Variants in ALDH1L1 observed in about 807,000 individuals in gnomAD.
ALDH1L1 encodes cytosolic 10-formyltetrahydrofolate dehydrogenase.
Under a neutral mutation model 101.1 loss-of-function variants are expected in ALDH1L1, and 68 were observed. That is an observed-to-expected ratio of 0.67 (90% CI 0.55 to 0.82). The LOEUF is 0.82. ALDH1L1 is among the 40% of genes least tolerant of loss of function. The pLI is 0.00. For missense variants in ALDH1L1, 1,087 were observed against 1,172.7 expected (o/e 0.93, Z 1.07); for synonymous variants, 486 against 470.8 (o/e 1.03, Z -0.42).
rs747916436 is a variant in ALDH1L1 at position 126,161,038 on chromosome 3, C to T, written c.-23-36G>A. ...AATAAGGCAGCAATTAGACAGAGAT[C>T]GCTGGTCTCAGAGAAGCCAGCCCTG... is the stretch of plus-strand genomic sequence containing the variant. On this transcript the variant is annotated intron_variant, in intron 1 of 22. Coordinates refer to ENST00000393434, the MANE Select transcript of ALDH1L1 (RefSeq NM_012190.4). 1.1e-5 allele frequency: 18 copies of T among 1,606,032 alleles called. 1 individual carries two copies. Among genetic ancestry groups the T allele is most frequent in the Middle Eastern group, 3.3e-4 (2 of 6,028 alleles).
chr3:126,130,567 C>A (rs1303364064), intron 13 of ALDH1L1, among the ~76,000 whole-genome samples: 1 of 152,210 alleles, frequency 6.6e-6, no homozygotes, highest in Non-Finnish European at 1.5e-5. Flanking sequence ...AGGGTGGGGG[C>A]AGGGCCGGGT....
chr3:126,189,826 C>A (rs2081541903), intron 1 of ALDH1L1, among the ~76,000 whole-genome samples: 1 of 152,186 alleles, frequency 6.6e-6, no homozygotes, highest in Non-Finnish European at 1.5e-5. Context: ...TCTATGTTTT[C>A]CACTGGGAGT....
chr3:126,166,277 C>G (rs903683519), intron 1 of ALDH1L1, among the ~76,000 whole-genome samples: 1 of 152,204 alleles, frequency 6.6e-6, no homozygotes, highest in African/African-American at 2.4e-5. Context: ...TTCTCCATGT[C>G]TGATTTGTGG....
chr3:126,135,638 G>C lies in ALDH1L1; in HGVS notation c.1369C>G (p.Gln457Glu). ...ACTGCCTTGTCGACGTCGGTGACTT[G>C]GGCCAGGGATACCTGGCAGATGACC... is the stretch of plus-strand genomic sequence containing the variant. The part of the protein sequence containing the change: ...GSVICQVSLA[Q>E]VTDVDKAVAA... Residue 457 changes from glutamine (Q) to glutamate (E), a missense_variant, in exon 12 of 23, where the codon CAA becomes GAA. Gln to Glu is a conservative substitution (Grantham distance 29). Transcript: ENST00000393434. The C allele has an allele frequency of 6.4e-7, 1 of 1,574,168 alleles. No individual in the cohort carries two copies. Among genetic ancestry groups the C allele is most frequent in the Non-Finnish European group, 8.6e-7 (1 of 1,159,690 alleles).
At chr3:126,161,419 A>G (rs943651886) in intron 1 of ALDH1L1, among the ~76,000 whole-genome samples, 2 of 152,244 alleles carry the variant, frequency 1.3e-5, no homozygotes, top group African/African-American at 4.8e-5. Context: ...AATGGCTTTC[A>G]GCCTACAAAT....
At position 126,107,148 on chromosome 3, in the gene ALDH1L1, C is replaced by T. The variant is rs1945904636; in HGVS notation, c.2446G>A (p.Ala816Thr). Residue 816 changes from alanine (A) to threonine (T), a missense_variant, in exon 21 of 23, where the codon GCT becomes ACT. Coordinates refer to ENST00000393434, the MANE Select transcript of ALDH1L1 (RefSeq NM_012190.4). ...ATCAGCAGGATTCCCTACCCATCAG[C>T]AAACCGAGAGATGATCATGACAGGC... ...FGPVMIISRF[A>T]DGDLDAVLSR... 1 of 1,613,952 alleles carries T rather than the reference C, an allele frequency of 6.2e-7. No homozygotes were observed. Among genetic ancestry groups the T allele is most frequent in the Non-Finnish European group, 8.5e-7 (1 of 1,179,898 alleles).
chr3:126,143,378 G>C lies in ALDH1L1; in HGVS notation c.1076+3457C>G, dbSNP rs77617171. ...TATCCTGGACAAAGGGGTGATCCAC[G>C]TATCAGGTGGGATGGAGCGGGACAG... On this transcript the variant is annotated intron_variant, in intron 9 of 22. Coordinates refer to ENST00000393434, the MANE Select transcript of ALDH1L1 (RefSeq NM_012190.4). Among the ~76,000 whole-genome samples, 1,358 of 152,220 alleles carry C rather than the reference G, an allele frequency of 8.9e-3. 16 individuals carry two copies. The highest frequency in any genetic ancestry group is 0.032 in the African/African-American group (1,312 of 41,550).
intron 1 of ALDH1L1, among the ~76,000 whole-genome samples, chr3:126,165,872 A>G (rs2081157675): frequency 6.6e-6 from 1 of 151,928 alleles, no homozygotes; most frequent in Non-Finnish European, 1.5e-5. Context: ...TTTTTGAAAA[A>G]CCAACTCTTG....
chr3:126,158,952 T>C (rs2080979226), intron 2 of ALDH1L1, among the ~76,000 whole-genome samples: 1 of 152,162 alleles, frequency 6.6e-6, no homozygotes, highest in Non-Finnish European at 1.5e-5. Flanking sequence ...ACTGAGTTAC[T>C]GTCTTCCGGC....
At chr3:126,172,879 G>C (rs918922127) in intron 1 of ALDH1L1, among the ~76,000 whole-genome samples, 1 of 152,002 alleles carries the variant, frequency 6.6e-6, no homozygotes, top group African/African-American at 2.4e-5. Flanking sequence ...TACCTATAGA[G>C]GGAGAGAGAT....
At chr3:126,191,787 T>C in intron 1 of ALDH1L1, among the ~76,000 whole-genome samples, 1 of 152,164 alleles carries the variant, frequency 6.6e-6, no homozygotes, top group East Asian at 1.9e-4. Context: ...ATCAAAACTT[T>C]GTGACCTTTA....
chr3:126,170,858 G>A (rs947279728), intron 1 of ALDH1L1, among the ~76,000 whole-genome samples: 6 of 152,132 alleles, frequency 3.9e-5, no homozygotes, highest in African/African-American at 1.4e-4. Context: ...TAAGACAGCT[G>A]GGACACAAAG....
chr3:126,185,798 T>C (rs1026112976), upstream of ALDH1L1, among the ~76,000 whole-genome samples: 4 of 152,238 alleles, frequency 2.6e-5, no homozygotes, highest in Admixed American at 6.5e-5. Flanking sequence ...ATTCTCATTT[T>C]CTTATTTTGC....
chr3:126,104,178 A>G (rs909602881), intron 22 of ALDH1L1: 7 of 379,026 alleles, frequency 1.8e-5, no homozygotes, highest in Non-Finnish European at 3.4e-5. Context: ...TCACTGGCCC[A>G]TCTCTTCTCT....
intron 19 of ALDH1L1, among the ~76,000 whole-genome samples, chr3:126,111,121 C>T (rs1281428176): frequency 6.6e-6 from 1 of 152,224 alleles, no homozygotes; most frequent in East Asian, 1.9e-4. Context: ...CCGGGCCCAT[C>T]GTGGCAGTGG....
intron 17 of ALDH1L1, 147 bp from the exon 18 acceptor site, chr3:126,114,803 C>CCCCCCCCGCCT: frequency 1.4e-6 from 1 of 733,378 alleles, no homozygotes; most frequent in Non-Finnish European, 2.4e-6. Context: ...TCCCCCCCAC[C>CCCCCCCCGCCT]CCTTGCGGCT....
At chr3:126,111,668 C>T (rs1001042581) in intron 19 of ALDH1L1, among the ~76,000 whole-genome samples, 24 of 152,202 alleles carry the variant, frequency 1.6e-4, no homozygotes, top group Non-Finnish European at 3.2e-4. Flanking sequence ...CACCAGCTCT[C>T]CTCCAGGGGC....
rs368465875 is a variant in ALDH1L1, at chr3:126,107,175, C to G, written c.2419G>C (p.Gly807Arg). 4.3e-6 allele frequency: 7 copies of G among 1,614,174 alleles called. No homozygotes were observed. Among genetic ancestry groups the G allele is most frequent in the Non-Finnish European group, 5.9e-6 (7 of 1,180,010 alleles). ...AACCGAGAGATGATCATGACAGGCC[C>G]GAAGGACTCCTCCTTGGCTATGAAC... ...HMFIAKEESFGPVMIISRFAD... is the reference protein window; with the variant it reads ...HMFIAKEESFRPVMIISRFAD... The change falls in exon 21 of 23, where the codon GGG (glycine) becomes CGG (arginine). Residue 807 changes from glycine (G) to arginine (R), a missense_variant. By Grantham distance (125) the Gly-to-Arg change is moderately radical. Coordinates refer to ENST00000393434, the MANE Select transcript of ALDH1L1 (RefSeq NM_012190.4).
In ALDH1L1 at chr3:126,115,410, C is replaced by T. The variant is rs189199111; in HGVS notation, c.1983-754G>A. 2.0e-4 allele frequency: 39 copies of T among 194,942 alleles called. No individual in the cohort carries two copies. The East Asian group carries it at 3.1e-3, about 15-fold the overall frequency. The allele number at this position is 194,942 out of a possible 1,614,324, so 12.1% of individuals were successfully genotyped here. On this transcript the variant is annotated intron_variant, in intron 17 of 22. Coordinates refer to ENST00000393434, the MANE Select transcript of ALDH1L1 (RefSeq NM_012190.4). ...ATCTCAGCTGCAGGTCTGTGTGACA[C>T]GGCTGCCTGGGAAGAAGAAAGCAGC... is the stretch of plus-strand genomic sequence containing the variant.
Sources: allele counts gnomAD v4.1 joint callset (sites outside exome capture counted in the v4.1 genomes callset), GRCh38; gene constraint gnomAD v4.1.1; transcripts MANE v1.5; gene names NCBI Gene and HGNC (gene_info 2026-07-23, HGNC 2026-07-21).